GSTA3: variants seen among roughly 807,000 people sequenced by gnomAD.
The protein encoded by GSTA3 is glutathione S-transferase alpha 3.
A neutral mutation model predicts 23.1 loss-of-function variants in GSTA3; 16 were observed. The ratio of observed to expected loss-of-function variants is 0.69; its 90% confidence interval spans 0.47 to 1.05. The LOEUF is 1.05. Ranked by LOEUF, GSTA3 falls within the 50% of genes least tolerant of loss-of-function variation. GSTA3 has a pLI of 0.00. For missense variants in GSTA3, 319 were observed against 263.6 expected (o/e 1.21, Z -1.46); for synonymous variants, 122 against 91.0 (o/e 1.34, Z -1.94).
chr6:52,907,133 C>T (rs1309825337), intron 1 of GSTA3, among the ~76,000 whole-genome samples: 4 of 137,638 alleles, frequency 2.9e-5, no homozygotes, highest in African/African-American at 8.8e-5. Flanking sequence ...AACAAACAAC[C>T]CCATCAAAAA....
At chr6:52,909,082 C>T (rs999959543) in intron 1 of GSTA3, among the ~76,000 whole-genome samples, 16 of 152,180 alleles carry the variant, frequency 1.1e-4, no homozygotes, top group Admixed American at 3.3e-4. Context: ...AAGCAGTAAA[C>T]TAATCTGTGT....
At chr6:52,901,409 A>G (rs1055241874) in intron 4 of GSTA3, among the ~76,000 whole-genome samples, 16 of 152,226 alleles carry the variant, frequency 1.1e-4, no homozygotes, top group Non-Finnish European at 2.4e-4. Context: ...TTTCTTTTAC[A>G]TAACATGTCT....
rs537605349 is a variant in GSTA3, at chr6:52,900,408, G to A, written c.273-333C>T. ...CTCCAGAGTAGCTGGGATTACAGAC[G>A]CCTGCCAATATGCCCAGATAATTTT... On this transcript the variant is annotated intron_variant, in intron 4 of 6. Transcript: ENST00000211122. Among the ~76,000 whole-genome samples, 851 of 151,618 alleles carry A rather than the reference G, an allele frequency of 5.6e-3. 4 individuals are homozygous for A. Among genetic ancestry groups the A allele is most frequent in the Non-Finnish European group, 8.4e-3 (571 of 67,878 alleles).
At position 52,902,454 on chromosome 6, in the gene GSTA3, A is replaced by G; in HGVS notation, c.164T>C (p.Val55Ala). The G allele has an allele frequency of 6.2e-7, 1 of 1,611,126 alleles. No homozygotes were observed. Among genetic ancestry groups the G allele is most frequent in the Non-Finnish European group, 8.5e-7 (1 of 1,179,358 alleles). ...RNDGSLMFQQ[V>A]PMVEIDGMKL... Reference sequence around the variant, plus strand: ...CATCCCATCAATCTCAACCATTGGTACTTGCTGGAACATCAAACTCCCATC... The same window carrying G: ...CATCCCATCAATCTCAACCATTGGTGCTTGCTGGAACATCAAACTCCCATC... The change falls in exon 4 of 7, where the codon GTA becomes GCA. Residue 55 changes from valine to alanine, a missense_variant. By Grantham distance (64) the Val-to-Ala change is moderately conservative. Transcript: ENST00000211122.
intron 6 of GSTA3, 40 bp downstream of exon 6, chr6:52,897,785 C>T: frequency 1.9e-6 from 3 of 1,610,476 alleles, no homozygotes; most frequent in Non-Finnish European, 2.5e-6. Context: ...CAAGATGGGA[C>T]ATGTGGGGCT....
rs1765781710 is a variant in GSTA3, at chr6:52,903,734, G to A, written c.88-7C>T. 1 of 1,567,892 alleles carries A rather than the reference G, an allele frequency of 6.4e-7. No homozygotes were observed. On this transcript the variant is annotated splice_region_variant and splice_polypyrimidine_tract_variant and intron_variant, in intron 2 of 6. Coordinates refer to ENST00000211122, the MANE Select transcript of GSTA3 (RefSeq NM_000847.5). ...CTATAAATTTCTCTTCAAACTGGAA[G>A]CAGAAACAGTAAATGGGTTCTTGTT...
intron 5 of GSTA3, among the ~76,000 whole-genome samples, chr6:52,898,409 T>C (rs373614878): frequency 1.9e-4 from 29 of 152,164 alleles, no homozygotes; most frequent in African/African-American, 7.0e-4. Context: ...AGAGTCTTCA[T>C]TTCTCCATAT....
At chr6:52,903,491 G>A (rs1036208271) in intron 3 of GSTA3, among the ~76,000 whole-genome samples, 185 bp downstream of exon 3, 1 of 151,596 alleles carries the variant, frequency 6.6e-6, no homozygotes, top group Admixed American at 6.6e-5. Flanking sequence ...CAGCTACTCG[G>A]GAGGCTGAGG....
chr6:52,900,626 G>T (rs139006486), intron 4 of GSTA3, among the ~76,000 whole-genome samples: 95 of 152,254 alleles, frequency 6.2e-4, no homozygotes, highest in Non-Finnish European at 1.1e-3. Context: ...TTATGCACAT[G>T]ACCAAATACA....
At position 52,899,813 on chromosome 6, in the gene GSTA3, C is replaced by G; in HGVS notation, c.414+121G>C. ...ATAAAATGCCTTGAGAGTCAGAGAGCTGAATTGGTGTTCAGGAAGTCTCAC... is the reference window on the plus strand; with the variant it reads ...ATAAAATGCCTTGAGAGTCAGAGAGGTGAATTGGTGTTCAGGAAGTCTCAC... On this transcript the variant is annotated intron_variant, in intron 5 of 6. Coordinates refer to ENST00000211122, the MANE Select transcript of GSTA3 (RefSeq NM_000847.5). 3.4e-6 allele frequency: 3 copies of G among 892,116 alleles called. No homozygotes were observed. The South Asian group carries it at 4.4e-5, about 13-fold the overall frequency. The allele number at this position is 892,116 out of a possible 1,614,324, so 55.3% of individuals were successfully genotyped here.
intron 5 of GSTA3, among the ~76,000 whole-genome samples, chr6:52,898,767 G>T (rs1765555360): frequency 6.6e-6 from 1 of 152,118 alleles, no homozygotes; most frequent in South Asian, 2.1e-4. Flanking sequence ...ATATAGAAGG[G>T]TGCGCTCTCA....
At chr6:52,901,023 T>C (rs1765665495) in intron 4 of GSTA3, among the ~76,000 whole-genome samples, 1 of 152,360 alleles carries the variant, frequency 6.6e-6, no homozygotes, top group African/African-American at 2.4e-5. Flanking sequence ...CTTGGTGAAA[T>C]TCTATACACA....
intron 6 of GSTA3, among the ~76,000 whole-genome samples, chr6:52,897,530 C>G (rs1765491488): frequency 6.6e-6 from 1 of 152,190 alleles, no homozygotes; most frequent in South Asian, 2.1e-4. Flanking sequence ...AATCACAGAA[C>G]TCAGGAACAG....
Position 52,900,052 on chromosome 6 carries a change from A to G in GSTA3, c.296T>C (p.Met99Thr), listed in dbSNP as rs145748506. 3.7e-6 allele frequency: 6 copies of G among 1,613,064 alleles called. No homozygotes were observed. The highest frequency in any genetic ancestry group is 2.7e-5 in the African/African-American group (2 of 74,916). The change falls in exon 5 of 7, where the codon ATG becomes ACG. Residue 99 changes from methionine to threonine, a missense_variant. Physicochemically the swap from Met to Thr is moderately conservative, Grantham distance 81 (BLOSUM62 -1). Transcript: ENST00000211122. ...RALIDMYTEG[M>T]ADLNEMILLL... ...AAGGATCATTTCATTCAAATCTGCC[A>G]TACCTTCTGTATACATATCAATTCT... is the stretch of plus-strand genomic sequence containing the variant.
At chr6:52,904,078 C>T (rs764984192) in intron 2 of GSTA3, among the ~76,000 whole-genome samples, 3 of 152,088 alleles carry the variant, frequency 2.0e-5, no homozygotes, top group Non-Finnish European at 4.4e-5. Context: ...CCTTGATCTA[C>T]CAGGCCCAAG....
chr6:52,906,482 C>CA (rs888861888), intron 1 of GSTA3, among the ~76,000 whole-genome samples: 1 of 152,038 alleles, frequency 6.6e-6, no homozygotes, highest in Non-Finnish European at 1.5e-5. Flanking sequence ...TCATATGGAA[C>CA]AAAAAAGAGC....
rs966553463 is a variant in GSTA3, at chr6:52,905,057, A to G, written c.87+691T>C. On this transcript the variant is annotated intron_variant, in intron 2 of 6. Transcript: ENST00000211122. ...TTTAACAGGCAGTTTGTCACAATCC[A>G]CTCCCTCCCTGACCTCATTGTGGTT... is the stretch of plus-strand genomic sequence containing the variant. Among the ~76,000 whole-genome samples the G allele has an allele frequency of 7.9e-5, 12 of 151,878 alleles. 1 individual carries two copies. Among genetic ancestry groups the G allele is most frequent in the Middle Eastern group, 3.4e-3 (1 of 294 alleles).
rs1184174536 is a variant in GSTA3, at chr6:52,903,677, A to C, written c.138T>G (p.Asn46Lys). The C allele has an allele frequency of 6.5e-7, 1 of 1,544,982 alleles. No individual in the cohort carries two copies. Among genetic ancestry groups the C allele is most frequent in the Non-Finnish European group, 8.9e-7 (1 of 1,117,720 alleles). The change falls in exon 3 of 7, where the codon AAT becomes AAG. Residue 46 changes from asparagine (N) to lysine (K), a missense_variant and splice_region_variant. Asn to Lys is a moderately conservative substitution (Grantham distance 94). Transcript: ENST00000211122. ...AGGCACTTAGAGACTTGATCTTACC[A>C]TTTCTTAACTTTCCCAAATCTTCTG... The part of the protein sequence containing the change: ...GSAEDLGKLR[N>K]DGSLMFQQVP...
chr6:52,901,417 T>C (rs535767561), intron 4 of GSTA3, among the ~76,000 whole-genome samples: 1 of 152,342 alleles, frequency 6.6e-6, no homozygotes, highest in East Asian at 1.9e-4. Context: ...ACATAACATG[T>C]CTTTAAGGTT....
Sources: gnomAD v4.1 joint callset for allele counts (sites outside exome capture counted in the v4.1 genomes callset) on GRCh38, gnomAD v4.1.1 for gene constraint, MANE v1.5 for transcripts, NCBI Gene and HGNC (gene_info 2026-07-23, HGNC 2026-07-21) for gene names.